Variants in RET observed in about 807,000 individuals in gnomAD.
RET encodes the protein proto-oncogene tyrosine-protein kinase receptor Ret.
A neutral mutation model predicts 118.3 loss-of-function variants in RET; 19 were observed. The observed-to-expected ratio is 0.16, with a 90% confidence interval of 0.11 to 0.24. The LOEUF is 0.24. Among genes scored for constraint, RET ranks in the 10% least tolerant of loss-of-function variants. RET has a pLI of 1.00. For synonymous variants in RET, 597 were observed against 644.1 expected (o/e 0.93, Z 1.11); for missense variants, 1,219 against 1,502.1 (o/e 0.81, Z 3.12).
intron 1 of RET, among the ~76,000 whole-genome samples, chr10:43,079,808 G>A (rs530090350): frequency 1.6e-3 from 242 of 152,306 alleles, no homozygotes; most frequent in Non-Finnish European, 2.0e-3. Context: ...CCTGCCTGAA[G>A]CACCAGGTAT....
intron 1 of RET, among the ~76,000 whole-genome samples, chr10:43,089,284 G>A (rs1837360890): frequency 1.3e-5 from 2 of 152,328 alleles, no homozygotes; most frequent in South Asian, 4.1e-4. Flanking sequence ...AGGGTCTCCA[G>A]CCTTAGGGTC....
chr10:43,111,060 G>A, intron 6 of RET, 147 bp from the exon 7 acceptor site: 1 of 1,099,938 alleles, frequency 9.1e-7, no homozygotes, highest in Non-Finnish European at 1.3e-6. Flanking sequence ...GCTCTGAGGG[G>A]TGGAGGACAG....
At chr10:43,099,049 T>G (rs1837579438) in intron 1 of RET, among the ~76,000 whole-genome samples, 1 of 152,212 alleles carries the variant, frequency 6.6e-6, no homozygotes, top group Admixed American at 6.5e-5. Context: ...TTTAAAAGCT[T>G]TCCACTGTGG....
Position 43,100,647 on chromosome 10 carries a change from A to G in RET, c.262A>G (p.Ile88Val), listed in dbSNP as rs141679950. Residue 88 changes from isoleucine (I) to valine (V), a missense_variant, in exon 2 of 20, where the codon ATC becomes GTC. Physicochemically the swap from Ile to Val is conservative, Grantham distance 29 (BLOSUM62 3). Coordinates refer to ENST00000355710, the MANE Select transcript of RET (RefSeq NM_020975.6). The stretch of plus-strand genomic sequence containing the variant: ...GCTGCATGAGAACAACTGGATCTGC[A>G]TCCAGGAGGACACCGGCCTCCTCTA... ...TRLHENNWIC[I>V]QEDTGLLYLN... is the part of the protein sequence containing the mutation. 9.0e-5 allele frequency: 145 copies of G among 1,613,214 alleles called. 1 individual carries two copies. In the African/African-American group the frequency reaches 1.7e-3, roughly 19 times the overall value.
At position 43,109,076 on chromosome 10, in the gene RET, T is replaced by C; in HGVS notation, c.1109T>C (p.Met370Thr). ...CTCTCCATCTCGGAGAACCGCACCA[T>C]GCAGCTGGCGGTGCTGGTCAATGAC... ...RNLSISENRT[M>T]QLAVLVNDSD... The change falls in exon 6 of 20, where the codon ATG (methionine) becomes ACG (threonine). Residue 370 changes from methionine to threonine, a missense_variant. Physicochemically the swap from Met to Thr is moderately conservative, Grantham distance 81. This residue lies in a region of RET where 850 missense variants were observed against 969.6 expected (regional missense o/e 0.88). Transcript: ENST00000355710. The C allele has an allele frequency of 1.9e-6, 3 of 1,613,804 alleles. No individual in the cohort carries two copies. Among genetic ancestry groups the C allele is most frequent in the African/African-American group, 2.7e-5 (2 of 75,030 alleles).
Position 43,077,173 on chromosome 10 carries a change from C to T in RET, c.-86C>T, listed in dbSNP as rs1837060658. ...CGCCGCGCCCCGGGCGGGGATGGGG[C>T]GGCCAGACTGAGCGCCGCACCCGCC... On this transcript the variant is annotated 5_prime_UTR_variant, in exon 1 of 20. Transcript: ENST00000355710. 3 of 1,357,952 alleles carry T rather than the reference C, an allele frequency of 2.2e-6. No individual in the cohort carries two copies. Among genetic ancestry groups the T allele is most frequent in the Non-Finnish European group, 2.8e-6 (3 of 1,055,386 alleles). The allele number at this position is 1,357,952 out of a possible 1,614,324, so 84.1% of individuals were successfully genotyped here. A position where few individuals can be genotyped will look rare whatever the true frequency, so the allele number is the denominator to read the frequency against.
rs531259031 is a variant in RET, at chr10:43,104,504, G to C, written c.626-448G>C. On this transcript the variant is annotated intron_variant, in intron 3 of 19. Transcript: ENST00000355710. ...TGCACTCCAGCCTGGGCAACACAGC[G>C]AGACTCCATCAAAAACAAAAAAAAA... 1.6e-4 allele frequency among the ~76,000 whole-genome samples: 24 copies of C among 152,136 alleles called. 1 individual carries two copies. The South Asian group carries it at 5.0e-3, about 32-fold the overall frequency.
intron 1 of RET, among the ~76,000 whole-genome samples, chr10:43,091,305 A>C (rs1837404618): frequency 6.6e-6 from 1 of 152,132 alleles, no homozygotes; most frequent in Non-Finnish European, 1.5e-5. Context: ...CTCACACTCA[A>C]CAACAGCAAC....
chr10:43,100,320 A>C, intron 1 of RET, 139 bp from the exon 2 acceptor site: 1 of 966,024 alleles, frequency 1.0e-6, no homozygotes, highest in Non-Finnish European at 1.6e-6. Flanking sequence ...TATACAAATA[A>C]TTGAGTGTTC....
At position 43,114,819 on chromosome 10, in the gene RET, G is replaced by A. The variant is rs995486892; in HGVS notation, c.2136+83G>A. 13 of 1,453,468 alleles carry A rather than the reference G, an allele frequency of 8.9e-6. No homozygotes were observed. The highest frequency in any genetic ancestry group is 3.8e-5 in the South Asian group (3 of 79,268). 90.0% of individuals were successfully genotyped at this position (1,453,468 alleles called of 1,614,324 possible). On this transcript the variant is annotated intron_variant, in intron 11 of 19. Transcript: ENST00000355710. The surrounding 1 kb of genome is among the most constrained non-coding windows in gnomAD (Gnocchi z 4.6). Reference sequence around the variant, plus strand: ...AGGGAGGCCAGCTGGGGAGACAGAGGCCATCCTGTGAGGGGCTGCCAACGC... The same window carrying A: ...AGGGAGGCCAGCTGGGGAGACAGAGACCATCCTGTGAGGGGCTGCCAACGC...
In RET at chr10:43,116,514, GCC is replaced by G. The variant is rs1380873843; in HGVS notation, c.2137-69_2137-68del. Reference sequence around the variant, plus strand: ...CCATGGGGCCTCCTTTAAGGGTCTTGCCTTCTTCCTCCCCTGTCATCCTCACA... The same window carrying G: ...CCATGGGGCCTCCTTTAAGGGTCTTGTTCTTCCTCCCCTGTCATCCTCACA... On this transcript the variant is annotated intron_variant, in intron 11 of 19. Transcript: ENST00000355710. 3 of 1,583,504 alleles carry G rather than the reference GCC, an allele frequency of 1.9e-6. No individual in the cohort carries two copies. In the African/African-American group the frequency reaches 4.0e-5, roughly 21 times the overall value.
intron 1 of RET, among the ~76,000 whole-genome samples, chr10:43,078,174 G>T (rs1288070601): frequency 2.0e-5 from 3 of 152,238 alleles, no homozygotes; most frequent in Non-Finnish European, 4.4e-5. Flanking sequence ...AGAGTGAGCC[G>T]CAAGGCTGTG....
chr10:43,124,620 T>A (rs939009008), intron 17 of RET, among the ~76,000 whole-genome samples: 1 of 152,296 alleles, frequency 6.6e-6, no homozygotes, highest in Admixed American at 6.5e-5. Flanking sequence ...TGAATCTCCC[T>A]TGGAGGGAAG....
intron 1 of RET, among the ~76,000 whole-genome samples, chr10:43,085,227 C>T (rs1036758719): frequency 6.6e-6 from 1 of 152,172 alleles, no homozygotes; most frequent in African/African-American, 2.4e-5. Flanking sequence ...AGTTCCTGTC[C>T]CCATTCGCAG....
intron 6 of RET, among the ~76,000 whole-genome samples, chr10:43,109,964 C>G (rs1837878199): frequency 6.6e-6 from 1 of 152,202 alleles, no homozygotes; most frequent in South Asian, 2.1e-4. Context: ...GCAGAGCAGC[C>G]CGTGGCGCCT....
At chr10:43,085,728 A>ACTTCCCTGGGCATCCC (rs59607829) in intron 1 of RET, among the ~76,000 whole-genome samples, 51,236 of 151,688 alleles carry the variant, frequency 0.34, 9,221 homozygotes, top group South Asian at 0.42. Context: ...ACTTGGCACC[A>ACTTCCCTGGGCATCCC]CTTCCCTGGG....
chr10:43,122,764 C>T (rs977846355), intron 16 of RET, among the ~76,000 whole-genome samples: 3 of 152,114 alleles, frequency 2.0e-5, no homozygotes, highest in African/African-American at 4.8e-5. Context: ...CGTGCTACTT[C>T]GCCTGGCTCA....
chr10:43,084,593 G>A (rs77776459), intron 1 of RET, among the ~76,000 whole-genome samples: 4,810 of 152,332 alleles, frequency 0.032, 149 homozygotes, highest in East Asian at 0.11. Context: ...TGTTGCATCT[G>A]CATCAAGAGC....
At chr10:43,080,984 G>T (rs1398273478) in intron 1 of RET, among the ~76,000 whole-genome samples, 1 of 152,212 alleles carries the variant, frequency 6.6e-6, no homozygotes, top group Non-Finnish European at 1.5e-5. Flanking sequence ...TGGGCATCAG[G>T]GATGGGGGTA....
Sources: gnomAD v4.1 joint callset for allele counts (sites outside exome capture counted in the v4.1 genomes callset) on GRCh38, gnomAD v4.1.1 for gene constraint, gnomAD v4.1.1 regional missense constraint, Gnocchi (gnomAD v3.1) non-coding constraint, MANE v1.5 for transcripts, NCBI Gene and HGNC (gene_info 2026-07-23, HGNC 2026-07-21) for gene names.